Variants in PLCB4 observed in about 807,000 individuals in gnomAD.
PLCB4 encodes the protein 1-phosphatidylinositol 4,5-bisphosphate phosphodiesterase beta-4.
In PLCB4, 77 loss-of-function variants were observed where a neutral mutation model predicts 178.8. That is an observed-to-expected ratio of 0.43 (90% CI 0.36 to 0.52). PLCB4 has a LOEUF of 0.52. Ranked by LOEUF, PLCB4 falls within the 20% of genes least tolerant of loss-of-function variation. PLCB4 has a pLI of 0.00. For missense variants in PLCB4, 1,024 were observed against 1,453.4 expected (o/e 0.70, Z 4.80); for synonymous variants, 496 against 490.8 (o/e 1.01, Z -0.14).
intron 35 of PLCB4, 61 bp from the exon 36 acceptor site, chr20:9,468,510 C>T (rs1181133680): frequency 4.1e-6 from 4 of 976,092 alleles, no homozygotes; most frequent in Admixed American, 3.4e-5. Context: ...AATCTCTCTA[C>T]CCATTAAACA....
chr20:9,281,960 A>G (rs947540242), intron 3 of PLCB4, among the ~76,000 whole-genome samples: 1 of 151,996 alleles, frequency 6.6e-6, no homozygotes, highest in Non-Finnish European at 1.5e-5. Flanking sequence ...CATGGCTAGT[A>G]TACAGATCCT....
chr20:9,350,138 T>C (rs2034197255), intron 7 of PLCB4, among the ~76,000 whole-genome samples: 2 of 151,972 alleles, frequency 1.3e-5, no homozygotes, highest in Non-Finnish European at 2.9e-5. Flanking sequence ...TTTGAAGCGA[T>C]GTTTAAAAAA....
intron 2 of PLCB4, among the ~76,000 whole-genome samples, chr20:9,204,128 G>T (rs1233672140): frequency 6.7e-6 from 1 of 150,280 alleles, no homozygotes. Flanking sequence ...GGAAAGCAAA[G>T]AGAAGAAAAA....
rs982385999 is a variant in PLCB4 at position 9,075,890 on chromosome 20, C to T, written c.-135+6684C>T. On this transcript the variant is annotated intron_variant, in intron 1 of 39. Coordinates refer to ENST00000378473, the MANE Select transcript of PLCB4 (RefSeq NM_001377142.1). ...AACAAAGCATGTTTGTGGTTTGACC[C>T]AGGAGCTCCCATGTTGAGCCTTTTG... Among the ~76,000 whole-genome samples the T allele has an allele frequency of 6.6e-5, 10 of 152,322 alleles. No homozygotes were observed. In the East Asian group the frequency reaches 1.5e-3, roughly 24 times the overall value.
intron 28 of PLCB4, among the ~76,000 whole-genome samples, chr20:9,424,281 G>A (rs1225341067): frequency 6.6e-6 from 1 of 152,088 alleles, no homozygotes; most frequent in African/African-American, 2.4e-5. Context: ...CATAAATAAG[G>A]TGAAACCATA....
At chr20:9,184,154 C>T (rs1440193623) in intron 2 of PLCB4, among the ~76,000 whole-genome samples, 1 of 152,168 alleles carries the variant, frequency 6.6e-6, no homozygotes, top group Non-Finnish European at 1.5e-5. Flanking sequence ...CCTACATTGA[C>T]TTCAACCCCC....
intron 2 of PLCB4, among the ~76,000 whole-genome samples, chr20:9,209,805 A>G (rs1490887448): frequency 2.0e-5 from 3 of 152,042 alleles, no homozygotes; most frequent in Non-Finnish European, 4.4e-5. Flanking sequence ...CTACTAAAAA[A>G]TACAAAAAAT....
At chr20:9,128,123 G>A (rs895137347) in intron 2 of PLCB4, among the ~76,000 whole-genome samples, 12 of 152,128 alleles carry the variant, frequency 7.9e-5, no homozygotes, top group African/African-American at 2.9e-4. Context: ...ATGGCTTAGC[G>A]CTATCCTCTT....
chr20:9,270,496 A>G (rs1461722670), intron 3 of PLCB4, among the ~76,000 whole-genome samples: 2 of 152,160 alleles, frequency 1.3e-5, no homozygotes, highest in Non-Finnish European at 2.9e-5. Context: ...TTGCTTGTAT[A>G]GGTAATCTAT....
chr20:9,124,144 C>G (rs1470399754), intron 2 of PLCB4, among the ~76,000 whole-genome samples: 1 of 152,056 alleles, frequency 6.6e-6, no homozygotes, highest in Non-Finnish European at 1.5e-5. Flanking sequence ...GGTGACTGGC[C>G]TGATGTGGCC....
At chr20:9,076,567 G>C (rs1306225460) in intron 1 of PLCB4, among the ~76,000 whole-genome samples, 2 of 152,138 alleles carry the variant, frequency 1.3e-5, no homozygotes, top group Non-Finnish European at 1.5e-5. Context: ...TCACTGATTT[G>C]AACTCTAACC....
intron 32 of PLCB4, among the ~76,000 whole-genome samples, chr20:9,450,809 C>T (rs567655248): frequency 7.2e-5 from 11 of 151,762 alleles, no homozygotes; most frequent in East Asian, 5.9e-4. Context: ...CCACCATGCC[C>T]GGCTAATTTT....
chr20:9,227,293 A>G (rs1407946085), intron 3 of PLCB4, among the ~76,000 whole-genome samples: 1 of 151,972 alleles, frequency 6.6e-6, no homozygotes, highest in African/African-American at 2.4e-5. Flanking sequence ...TTTGATACAC[A>G]AAAGTTTTTA....
intron 2 of PLCB4, among the ~76,000 whole-genome samples, chr20:9,210,946 A>G (rs924229825): frequency 1.2e-4 from 19 of 152,210 alleles, no homozygotes; most frequent in Admixed American, 4.6e-4. Flanking sequence ...TTGAGGAAAC[A>G]TAAACATATT....
intron 28 of PLCB4, among the ~76,000 whole-genome samples, chr20:9,431,682 GTA>G (rs2041423192): frequency 1.4e-5 from 2 of 138,422 alleles, no homozygotes; most frequent in South Asian, 2.3e-4. Context: ...GTGTGTGTGT[GTA>G]TTTTTAGTAA....
rs571211533 is a variant in PLCB4, at chr20:9,337,889, T to C, written c.166-119T>C. ...ATTGTTACATGGTTTTAATTCCCTCTTCAAGCTGACTGTAATCAGCACTGC... is the reference window on the plus strand; with the variant it reads ...ATTGTTACATGGTTTTAATTCCCTCCTCAAGCTGACTGTAATCAGCACTGC... On this transcript the variant is annotated intron_variant, in intron 5 of 39. Coordinates refer to ENST00000378473, the MANE Select transcript of PLCB4 (RefSeq NM_001377142.1). 1,016 of 651,522 alleles carry C rather than the reference T, an allele frequency of 1.6e-3. 7 individuals are homozygous for C. The highest frequency in any genetic ancestry group is 1.0e-4 in the Non-Finnish European group (37 of 354,210). The allele number at this position is 651,522 out of a possible 1,614,324, so 40.4% of individuals were successfully genotyped here. A position where few individuals can be genotyped will look rare whatever the true frequency, so the allele number is the denominator to read the frequency against.
In PLCB4 at chr20:9,393,901, G is replaced by A. The variant is rs1335028777; in HGVS notation, c.1414+223G>A. Among the ~76,000 whole-genome samples, 5 of 152,160 alleles carry A rather than the reference G, an allele frequency of 3.3e-5. No homozygotes were observed. In the East Asian group the frequency reaches 5.8e-4, roughly 18 times the overall value. On this transcript the variant is annotated intron_variant, in intron 18 of 39. Coordinates refer to ENST00000378473, the MANE Select transcript of PLCB4 (RefSeq NM_001377142.1). ...GAAAAGCATATCTATATATTCAAAT[G>A]CCAGAATTTGGAGAGGGCCCAAGGA...
intron 3 of PLCB4, among the ~76,000 whole-genome samples, chr20:9,289,999 G>A (rs1224667708): frequency 6.6e-6 from 1 of 151,960 alleles, no homozygotes; most frequent in African/African-American, 2.4e-5. Context: ...GAGCAGAGTG[G>A]TGACTTTCAT....
At chr20:9,163,575 CTGTTT>C (rs2092923184) in intron 2 of PLCB4, among the ~76,000 whole-genome samples, 1 of 151,124 alleles carries the variant, frequency 6.6e-6, no homozygotes, top group South Asian at 2.1e-4. Flanking sequence ...TGTTTATATT[CTGTTT>C]TTTCTTTTTT....
Sources: gnomAD v4.1 joint callset for allele counts (sites outside exome capture counted in the v4.1 genomes callset) on GRCh38, gnomAD v4.1.1 for gene constraint, MANE v1.5 for transcripts, NCBI Gene and HGNC (gene_info 2026-07-23, HGNC 2026-07-21) for gene names.